Variants in PSCA observed in about 807,000 individuals in gnomAD.
PSCA encodes prostate stem cell antigen.
PSCA carries 7 observed loss-of-function variants against 7.9 expected under a neutral mutation model. That is an observed-to-expected ratio of 0.89 (90% CI 0.51 to 1.67). The LOEUF (loss-of-function observed/expected upper bound fraction) is 1.67, where lower values mean the gene tolerates loss of function less well. PSCA is among the 40% of genes most tolerant of loss of function. PSCA has a pLI of 0.00. For synonymous variants in PSCA, 61 were observed against 68.3 expected, an observed-to-expected ratio of 0.89 and a Z score of 0.53; for missense variants, 151 against 147.9, an observed-to-expected ratio of 1.02 and a Z score of -0.11.
chr8:142,674,552 G>T (rs1847375096), intron 1 of PSCA, among the ~76,000 whole-genome samples: 1 of 152,230 alleles, frequency 6.6e-6, no homozygotes, highest in African/African-American at 2.4e-5. Flanking sequence ...AATGACTAAG[G>T]GCAGTTTGGA....
At chr8:142,680,610 C>T (rs375864029) in intron 1 of PSCA, 47 bp downstream of exon 1, 23 of 1,551,054 alleles carry the variant, frequency 1.5e-5, no homozygotes, top group South Asian at 9.5e-5. Flanking sequence ...AGGGGTGAGC[C>T]GGGGAGGCCA....
In PSCA at chr8:142,673,107, G is replaced by T. The variant is rs185363444; in HGVS notation, n.261+2539G>T. 6.6e-6 allele frequency among the ~76,000 whole-genome samples: 1 copy of T among 152,164 alleles called. No homozygotes were observed. The highest frequency in any genetic ancestry group is 1.5e-5 in the Non-Finnish European group (1 of 68,026). ...TCCAGCTTGCTTGTCTTATGTTTGC[G>T]GCTCGATTTTACAGGCTGCTCTTTG... is the stretch of plus-strand genomic sequence containing the variant. On this transcript the variant is annotated intron_variant and non_coding_transcript_variant, in intron 1 of 1. Transcript: ENST00000505305. This position sits in a 1 kb window ranked among gnomAD's most constrained non-coding sequence, Gnocchi z 4.6.
rs587608383 is a variant in PSCA at position 142,681,986 on chromosome 8, G to A, written c.199G>A (p.Asp67Asn). Residue 67 changes from aspartate to asparagine, a missense_variant, in exon 3 of 3, where the codon GAC becomes AAC. Coordinates refer to ENST00000301258, the MANE Select transcript of PSCA (RefSeq NM_005672.5). ...CSLNCVDDSQ[D>N]YYVGKKNITC... ...CTTGAACTGCGTGGATGACTCACAG[G>A]ACTACTACGTGGGCAAGAAGAACAT... 4.8e-5 allele frequency: 78 copies of A among 1,609,924 alleles called. 1 individual carries two copies. The South Asian group carries it at 8.5e-4, about 18-fold the overall frequency.
rs1554638559 is a variant in PSCA, at chr8:142,682,413, C to CTTAA, written c.*282_*285dup. 8.8e-6 allele frequency: 6 copies of CTTAA among 680,550 alleles called. No homozygotes were observed. The highest frequency in any genetic ancestry group is 1.6e-5 in the Non-Finnish European group (6 of 370,940). 42.2% of individuals were successfully genotyped at this position (680,550 alleles called of 1,614,324 possible). On this transcript the variant is annotated 3_prime_UTR_variant, in exon 3 of 3. Coordinates refer to ENST00000301258, the MANE Select transcript of PSCA (RefSeq NM_005672.5). ...TTTCCATGGCCCAGCATTCTCCACC[C>CTTAA]TTAACCCTGTGCTCAGGCACCTCTT...
rs957603716 is a variant in PSCA at position 142,681,969 on chromosome 8, G to T, written c.182G>T (p.Cys61Phe). 6.2e-7 allele frequency: 1 copy of T among 1,602,002 alleles called. No individual in the cohort carries two copies. The highest frequency in any genetic ancestry group is 2.2e-5 in the East Asian group (1 of 44,570). ...ATCAGCAAAGGCTGCAGCTTGAACTGCGTGGATGACTCACAGGACTACTAC... is the reference window on the plus strand; with the variant it reads ...ATCAGCAAAGGCTGCAGCTTGAACTTCGTGGATGACTCACAGGACTACTAC... Reference protein sequence around the residue: ...TVISKGCSLNCVDDSQDYYVG... With the variant: ...TVISKGCSLNFVDDSQDYYVG... The change falls in exon 3 of 3, where the codon TGC becomes TTC. Residue 61 changes from cysteine (C) to phenylalanine (F), a missense_variant. Cys to Phe is a radical substitution (Grantham distance 205). Transcript: ENST00000301258.
chr8:142,674,473 A>G (rs1847373985), intron 1 of PSCA, among the ~76,000 whole-genome samples: 1 of 152,210 alleles, frequency 6.6e-6, no homozygotes, highest in Non-Finnish European at 1.5e-5. Context: ...CATCTTCCTC[A>G]TGCAGTGGTG....
At chr8:142,670,612 G>C (rs932238654) in intron 1 of PSCA, 4 of 152,304 alleles carry the variant, frequency 2.6e-5, no homozygotes, top group African/African-American at 9.7e-5. Context: ...TTGAGGCTGT[G>C]GAGGACCTTG....
upstream of PSCA, chr8:142,676,199 C>T (rs1259775532): frequency 1.3e-5 from 2 of 152,390 alleles, no homozygotes; most frequent in African/African-American, 4.8e-5. Flanking sequence ...TCTGGAGTCC[C>T]TGGAGGCAAC....
chr8:142,677,051 G>C (rs2129862952), upstream of PSCA, among the ~76,000 whole-genome samples: 1 of 152,356 alleles, frequency 6.6e-6, no homozygotes, highest in East Asian at 1.9e-4. Flanking sequence ...TTCATTCTGT[G>C]ACCAGGATCA....
At chr8:142,672,961 G>T (rs1031844485) in intron 1 of PSCA, among the ~76,000 whole-genome samples, 3 of 152,148 alleles carry the variant, frequency 2.0e-5, no homozygotes, top group Non-Finnish European at 2.9e-5. Flanking sequence ...CATCTTGTCT[G>T]CTCCTTGCTG....
chr8:142,678,891 C>T (rs587754917), upstream of PSCA, among the ~76,000 whole-genome samples: 1 of 152,262 alleles, frequency 6.6e-6, no homozygotes, highest in East Asian at 1.9e-4. Flanking sequence ...CTGCCACCAA[C>T]ACTTAGCCAG....
chr8:142,682,293 C>A lies in PSCA; in HGVS notation c.*161C>A. 1.1e-6 allele frequency: 1 copy of A among 882,622 alleles called. No individual in the cohort carries two copies. The highest frequency in any genetic ancestry group is 1.8e-6 in the Non-Finnish European group (1 of 550,238). The allele number at this position is 882,622 out of a possible 1,614,324, so 54.7% of individuals were successfully genotyped here. On this transcript the variant is annotated 3_prime_UTR_variant, in exon 3 of 3. Transcript: ENST00000301258. The stretch of plus-strand genomic sequence containing the variant: ...CTGCGCCCCTGTCCCCCACCCTGAC[C>A]CTCCCATGGCCCTCTCCAGGACTCC...
intron 1 of PSCA, among the ~76,000 whole-genome samples, chr8:142,675,014 G>T (rs2129858769): frequency 6.6e-6 from 1 of 152,386 alleles, no homozygotes; most frequent in Non-Finnish European, 1.5e-5. Context: ...AGGTGGGCTT[G>T]TATCCGGCAG....
At position 142,680,540 on chromosome 8, in the gene PSCA, TG is replaced by T; in HGVS notation, c.4del (p.Ala2?). ...AAGGCTGTGCTGCTTGCCCTGTTGA[TG>T]GCAGGCTTGGCCCTGCAGCCAGGTG... MAGLALQPGTA... is the reference protein window; with the variant it reads XAGLALQPGTA... On this transcript the variant is annotated frameshift_variant and start_lost, in exon 1 of 3. Coordinates refer to ENST00000301258, the MANE Select transcript of PSCA (RefSeq NM_005672.5). LOFTEE classifies it high-confidence loss of function. 1 of 1,554,242 alleles carries T rather than the reference TG, an allele frequency of 6.4e-7. No individual in the cohort carries two copies. Among genetic ancestry groups the T allele is most frequent in the African/African-American group, 1.4e-5 (1 of 73,352 alleles).
At position 142,681,932 on chromosome 8, in the gene PSCA, C is replaced by T. The variant is rs782759212; in HGVS notation, c.145C>T (p.Leu49Phe). The T allele has an allele frequency of 6.5e-7, 1 of 1,546,628 alleles. No homozygotes were observed. The highest frequency in any genetic ancestry group is 1.7e-4 in the Middle Eastern group (1 of 5,928). ...CCGCTGCTCCCCAGGCGCAGTTGGC[C>T]TCCTGACCGTCATCAGCAAAGGCTG... ...CWTARIRAVGLLTVISKGCSL... is the reference protein window; with the variant it reads ...CWTARIRAVGFLTVISKGCSL... The change falls in exon 3 of 3, where the codon CTC (leucine) becomes TTC (phenylalanine). Residue 49 changes from leucine to phenylalanine, a missense_variant. Physicochemically the swap from Leu to Phe is conservative, Grantham distance 22. Coordinates refer to ENST00000301258, the MANE Select transcript of PSCA (RefSeq NM_005672.5).
chr8:142,680,249 T>C, upstream of PSCA: 1 of 496,066 alleles, frequency 2.0e-6, no homozygotes, highest in Non-Finnish European at 3.7e-6. Flanking sequence ...AGGCATAATC[T>C]GGGTCTTGAG....
At chr8:142,680,372 A>G (rs1028653400), upstream of PSCA, 1 of 695,082 alleles carries the variant, frequency 1.4e-6, no homozygotes, top group African/African-American at 1.8e-5. Context: ...CTCAGGGAGG[A>G]GACTCGGACC....
At position 142,681,356 on chromosome 8, in the gene PSCA, G is replaced by T; in HGVS notation, c.55G>T (p.Ala19Ser). Residue 19 changes from alanine to serine, a missense_variant, in exon 2 of 3, where the codon GCC becomes TCC. Transcript: ENST00000301258. Reference protein sequence around the residue: ...GTALLCYSCKAQVSNEDCLQV... With the variant: ...GTALLCYSCKSQVSNEDCLQV... Reference sequence around the variant, plus strand: ...TGCCCTGCTGTGCTACTCCTGCAAAGCCCAGGTGAGCAACGAGGACTGCCT... The same window carrying T: ...TGCCCTGCTGTGCTACTCCTGCAAATCCCAGGTGAGCAACGAGGACTGCCT... The T allele has an allele frequency of 6.3e-7, 1 of 1,578,564 alleles. No individual in the cohort carries two copies. The highest frequency in any genetic ancestry group is 1.2e-5 in the South Asian group (1 of 85,928).
rs1554638500 is a variant in PSCA at position 142,682,265 on chromosome 8, T to A, written c.*133T>A. The A allele has an allele frequency of 2.6e-6, 3 of 1,142,088 alleles. No individual in the cohort carries two copies. The highest frequency in any genetic ancestry group is 1.3e-6 in the Non-Finnish European group (1 of 787,394). 70.7% of individuals were successfully genotyped at this position (1,142,088 alleles called of 1,614,324 possible). ...ATCCTAACGCAAGTCTGACCATGTATGTCTGCGCCCCTGTCCCCCACCCTG... is the reference window on the plus strand; with the variant it reads ...ATCCTAACGCAAGTCTGACCATGTAAGTCTGCGCCCCTGTCCCCCACCCTG... On this transcript the variant is annotated 3_prime_UTR_variant, in exon 3 of 3. Coordinates refer to ENST00000301258, the MANE Select transcript of PSCA (RefSeq NM_005672.5).
Sources: gnomAD v4.1 joint callset for allele counts (sites outside exome capture counted in the v4.1 genomes callset) on GRCh38, gnomAD v4.1.1 for gene constraint, Gnocchi (gnomAD v3.1) non-coding constraint, MANE v1.5 for transcripts, NCBI Gene and HGNC (gene_info 2026-07-23, HGNC 2026-07-21) for gene names.